The following CHERP variants were observed in gnomAD, a reference collection of about 807,000 sequenced individuals.
CHERP encodes calcium homeostasis endoplasmic reticulum protein, also known as ERPROT 213-21.
A neutral mutation model predicts 113.8 loss-of-function variants in CHERP; 8 were observed. The observed-to-expected ratio is 0.07, with a 90% CI of 0.04 to 0.13. The LOEUF is 0.13. Ranked by LOEUF, CHERP falls within the 10% of genes least tolerant of loss-of-function variation. The pLI, the probability that CHERP is intolerant of heterozygous loss-of-function variation, is 1.00. For synonymous variants in CHERP, 559 were observed against 524.5 expected (o/e 1.07, Z -0.90); for missense variants, 884 against 1,298.2 (o/e 0.68, Z 4.90).
At chr19:16,522,550 C>T (rs757012042) in intron 11 of CHERP, among the ~76,000 whole-genome samples, 3 of 152,282 alleles carry the variant, frequency 2.0e-5, no homozygotes, top group Non-Finnish European at 2.9e-5. Flanking sequence ...TGAGCCACTA[C>T]GCCTGGCCAG....
At chr19:16,521,682 A>G in intron 11 of CHERP, 28 bp from the exon 12 acceptor site, 1 of 1,534,276 alleles carries the variant, frequency 6.5e-7, no homozygotes, top group Non-Finnish European at 8.8e-7. Flanking sequence ...AGCTGTCACC[A>G]TGCCTGGGCA....
In CHERP at chr19:16,519,399, G is replaced by A. The variant is rs1056505207; in HGVS notation, c.2558-47C>T. ...CAACCACAACAAGGCGGAGGCAGAT[G>A]GGGGTGCACGTGGGGGGCTGAATGT... On this transcript the variant is annotated intron_variant, in intron 16 of 16. Coordinates refer to ENST00000546361, the MANE Select transcript of CHERP (RefSeq NM_006387.6). The surrounding 1 kb of genome is among the most constrained non-coding windows in gnomAD (Gnocchi z 6.0). The A allele has an allele frequency of 1.3e-6, 2 of 1,570,918 alleles. No individual in the cohort carries two copies. The highest frequency in any genetic ancestry group is 1.4e-5 in the African/African-American group (1 of 73,704).
At position 16,521,526 on chromosome 19, in the gene CHERP, C is replaced by T. The variant is rs1397496382; in HGVS notation, c.2109G>A (p.Arg703=). 6.3e-7 allele frequency: 1 copy of T among 1,593,790 alleles called. No individual in the cohort carries two copies. The highest frequency in any genetic ancestry group is 1.7e-5 in the Admixed American group (1 of 57,758). Residue 703 remains arginine (R), a synonymous_variant, in exon 12 of 17, where the codon AGG becomes AGA. Transcript: ENST00000546361. Reference sequence around the variant, plus strand: ...CACTGACCTGGGCCCCTTACCTGTTCCTGGGCCTGTCGTGGGACGGGGGGC... The same window carrying T: ...CACTGACCTGGGCCCCTTACCTGTTTCTGGGCCTGTCGTGGGACGGGGGGC... ...FYSPPSHDRP[R]NSEGWEQNGL... is the part of the protein sequence containing the mutation.
At position 16,520,470 on chromosome 19, in the gene CHERP, C is replaced by T; in HGVS notation, c.2239G>A (p.Gly747Arg). ...SRSRSRSKSR[G>R]RSSSRSNSRS... ...GAGTTGGAGCGGGAGGAAGAACGCC[C>T]TCGACTCTTGGATCTGCTCCGAGAC... is the stretch of plus-strand genomic sequence containing the variant. Residue 747 changes from glycine to arginine, a missense_variant, in exon 14 of 17, where the codon GGG becomes AGG. Gly to Arg is a moderately radical substitution (Grantham distance 125). This residue lies in a region of CHERP where 159 missense variants were observed against 185.8 expected (regional missense o/e 0.86). Transcript: ENST00000546361. The surrounding 1 kb of genome is among the most constrained non-coding windows in gnomAD (Gnocchi z 4.0). 4 of 1,614,062 alleles carry T rather than the reference C, an allele frequency of 2.5e-6. No homozygotes were observed.
At position 16,519,846 on chromosome 19, in the gene CHERP, G is replaced by C. The variant is rs1282365562; in HGVS notation, c.2463-131C>G. 1.1e-4 allele frequency: 91 copies of C among 841,100 alleles called. No homozygotes were observed. Among genetic ancestry groups the C allele is most frequent in the Non-Finnish European group, 1.5e-4 (76 of 498,546 alleles). 52.1% of individuals were successfully genotyped at this position (841,100 alleles called of 1,614,324 possible). The stretch of plus-strand genomic sequence containing the variant: ...CCAGGTGACACCGTATGCAGATTTT[G>C]CGTCTCTACCCGTTTATCCTGTCTC... On this transcript the variant is annotated intron_variant, in intron 15 of 16. Coordinates refer to ENST00000546361, the MANE Select transcript of CHERP (RefSeq NM_006387.6). This position sits in a 1 kb window ranked among gnomAD's most constrained non-coding sequence, Gnocchi z 6.0.
intron 2 of CHERP, chr19:16,539,742 G>T (rs75063955): frequency 1.3e-5 from 2 of 150,886 alleles, no homozygotes; most frequent in Non-Finnish European, 3.0e-5. Context: ...ATTTACAGGC[G>T]TGAGGCCACT....
chr19:16,521,402 G>A (rs1164751208), intron 12 of CHERP, 119 bp downstream of exon 12: 2 of 873,034 alleles, frequency 2.3e-6, no homozygotes, highest in Non-Finnish European at 3.4e-6. Flanking sequence ...CAGGCGGGGG[G>A]AGGGCAGTTT....
In CHERP at chr19:16,521,708, C is replaced by G. The variant is rs1264713305; in HGVS notation, c.1981-54G>C. The G allele has an allele frequency of 4.1e-6, 6 of 1,481,350 alleles. No individual in the cohort carries two copies. The East Asian group carries it at 1.5e-4, about 37-fold the overall frequency. The allele number at this position is 1,481,350 out of a possible 1,614,324, so 91.8% of individuals were successfully genotyped here. Reference sequence around the variant, plus strand: ...TGCCTGGGCAGAGCCCTCTCAGGCCCACCCAGGGTCTGCAAGGAGTGGGGT... The same window carrying G: ...TGCCTGGGCAGAGCCCTCTCAGGCCGACCCAGGGTCTGCAAGGAGTGGGGT... On this transcript the variant is annotated intron_variant, in intron 11 of 16. Coordinates refer to ENST00000546361, the MANE Select transcript of CHERP (RefSeq NM_006387.6).
Position 16,530,552 on chromosome 19 carries a change from T to G in CHERP, c.876+33A>C. On this transcript the variant is annotated intron_variant, in intron 7 of 16. Coordinates refer to ENST00000546361, the MANE Select transcript of CHERP (RefSeq NM_006387.6). The surrounding 1 kb of genome is among the most constrained non-coding windows in gnomAD (Gnocchi z 4.1). ...CCTCCTGGGGAACCCGCCCCAGCTC[T>G]AGGGTGAGGTGTGGGTGGGCAGGGA... The G allele has an allele frequency of 6.2e-7, 1 of 1,600,516 alleles. No individual in the cohort carries two copies. The highest frequency in any genetic ancestry group is 1.7e-4 in the Middle Eastern group (1 of 6,040).
rs1252561299 is a variant in CHERP at position 16,535,567 on chromosome 19, A to G, written c.269T>C (p.Leu90Pro). The G allele has an allele frequency of 5.1e-6, 8 of 1,568,178 alleles. No individual in the cohort carries two copies. The highest frequency in any genetic ancestry group is 1.2e-5 in the South Asian group (1 of 86,490). Residue 90 changes from leucine to proline, a missense_variant, in exon 3 of 17, where the codon CTG becomes CCG. Transcript: ENST00000546361. The surrounding 1 kb of genome is among the most constrained non-coding windows in gnomAD (Gnocchi z 4.3). ...CGGCGGGATGGGCGCGGCGGGGGCC[A>G]GCGGGGGCTGTGGCAGGGGTGGCAT... ...ATMPPLPQPP[L>P]APAAPIPPAQ... is the part of the protein sequence containing the mutation.
At position 16,520,315 on chromosome 19, in the gene CHERP, G is replaced by T. The variant is rs761214714; in HGVS notation, c.2345+49C>A. 1 of 1,611,372 alleles carries T rather than the reference G, an allele frequency of 6.2e-7. No homozygotes were observed. Among genetic ancestry groups the T allele is most frequent in the East Asian group, 2.2e-5 (1 of 44,858 alleles). ...CAGCAGCAGCCAGGCGTCGTGGGGA[G>T]GCCACAGGAAGAGGCCTCAGGCACT... On this transcript the variant is annotated intron_variant, in intron 14 of 16. Transcript: ENST00000546361. The surrounding 1 kb of genome is among the most constrained non-coding windows in gnomAD (Gnocchi z 4.0).
rs547209070 is a variant in CHERP at position 16,535,247 on chromosome 19, C to A, written c.384+205G>T. ...CACCCCAGGGTGATGGGTGCACGCACGTCCAGTGGCTTCACTGAGATGAGA... is the reference window on the plus strand; with the variant it reads ...CACCCCAGGGTGATGGGTGCACGCAAGTCCAGTGGCTTCACTGAGATGAGA... On this transcript the variant is annotated intron_variant, in intron 3 of 16. Transcript: ENST00000546361. This position sits in a 1 kb window ranked among gnomAD's most constrained non-coding sequence, Gnocchi z 4.3. 6.6e-5 allele frequency among the ~76,000 whole-genome samples: 10 copies of A among 152,344 alleles called. No individual in the cohort carries two copies. In the South Asian group the frequency reaches 8.3e-4, roughly 13 times the overall value.
chr19:16,530,557 T>G lies in CHERP; in HGVS notation c.876+28A>C. On this transcript the variant is annotated intron_variant, in intron 7 of 16. Transcript: ENST00000546361. The surrounding 1 kb of genome is among the most constrained non-coding windows in gnomAD (Gnocchi z 4.1). ...TGGGGAACCCGCCCCAGCTCTAGGGTGAGGTGTGGGTGGGCAGGGACACTC... is the reference window on the plus strand; with the variant it reads ...TGGGGAACCCGCCCCAGCTCTAGGGGGAGGTGTGGGTGGGCAGGGACACTC... 1.2e-6 allele frequency: 2 copies of G among 1,601,846 alleles called. No individual in the cohort carries two copies. The highest frequency in any genetic ancestry group is 1.7e-6 in the Non-Finnish European group (2 of 1,169,212).
At chr19:16,524,166 C>A (rs2085640643) in intron 10 of CHERP, among the ~76,000 whole-genome samples, 1 of 152,122 alleles carries the variant, frequency 6.6e-6, no homozygotes, top group African/African-American at 2.4e-5. Context: ...GGAAGAATCA[C>A]TTGAACCCAA....
Position 16,532,531 on chromosome 19 carries a change from G to A in CHERP, c.674+67C>T. The A allele has an allele frequency of 2.0e-6, 3 of 1,479,542 alleles. No individual in the cohort carries two copies. In the South Asian group the frequency reaches 3.9e-5, roughly 19 times the overall value. The allele number at this position is 1,479,542 out of a possible 1,614,324, so 91.7% of individuals were successfully genotyped here. A position where few individuals can be genotyped will look rare whatever the true frequency, so the allele number is the denominator to read the frequency against. On this transcript the variant is annotated intron_variant, in intron 5 of 16. Coordinates refer to ENST00000546361, the MANE Select transcript of CHERP (RefSeq NM_006387.6). The surrounding 1 kb of genome is among the most constrained non-coding windows in gnomAD (Gnocchi z 4.4). Reference sequence around the variant, plus strand: ...GCCAAGCTACCGACCGGAGCAAGCGGCCACCCAGGAGGGTTGAGGAGGAGC... The same window carrying A: ...GCCAAGCTACCGACCGGAGCAAGCGACCACCCAGGAGGGTTGAGGAGGAGC...
Position 16,535,679 on chromosome 19 carries a change from G to T in CHERP, c.200-43C>A. ...GGGGTGCCCCATGAGAATGCAGATG[G>T]GGGTCTAGGTGTCCCCTTGGCCACC... On this transcript the variant is annotated intron_variant, in intron 2 of 16. Coordinates refer to ENST00000546361, the MANE Select transcript of CHERP (RefSeq NM_006387.6). The surrounding 1 kb of genome is among the most constrained non-coding windows in gnomAD (Gnocchi z 4.3). The T allele has an allele frequency of 6.9e-7, 1 of 1,458,208 alleles. No homozygotes were observed. 90.3% of individuals were successfully genotyped at this position (1,458,208 alleles called of 1,614,324 possible).
At chr19:16,522,227 T>C (rs1438338501) in intron 11 of CHERP, among the ~76,000 whole-genome samples, 3 of 150,872 alleles carry the variant, frequency 2.0e-5, no homozygotes, top group Admixed American at 2.0e-4. Context: ...AGCATGCCCT[T>C]GGAGGCCCCA....
Position 16,529,657 on chromosome 19 carries a change from T to C in CHERP, c.1120A>G (p.Thr374Ala). ...TGAGGGAGCCCCGTACCAGGCTGGG[T>C]GGTGGGCGGGATGGCAGGGGCAGGT... Reference protein sequence around the residue: ...PAPAPAIPPTTQPDDSKPPIQ... With the variant: ...PAPAPAIPPTAQPDDSKPPIQ... Residue 374 changes from threonine (T) to alanine (A), a missense_variant, in exon 8 of 17, where the codon ACC becomes GCC. This residue lies in a region of CHERP where 464 missense variants were observed against 590.1 expected (regional missense o/e 0.79). Coordinates refer to ENST00000546361, the MANE Select transcript of CHERP (RefSeq NM_006387.6). 4 of 1,543,154 alleles carry C rather than the reference T, an allele frequency of 2.6e-6. No individual in the cohort carries two copies. Among genetic ancestry groups the C allele is most frequent in the Non-Finnish European group, 2.6e-6 (3 of 1,148,920 alleles).
In CHERP at chr19:16,519,482, T is replaced by A; in HGVS notation, c.2558-130A>T. On this transcript the variant is annotated intron_variant, in intron 16 of 16. Coordinates refer to ENST00000546361, the MANE Select transcript of CHERP (RefSeq NM_006387.6). This position sits in a 1 kb window ranked among gnomAD's most constrained non-coding sequence, Gnocchi z 6.0. ...AGAGAGAACCCGCAGGCCGGCCCTG[T>A]CTAGAGGGTCTGGGTGGAGTCAGAA... 3.2e-6 allele frequency: 4 copies of A among 1,254,774 alleles called. No individual in the cohort carries two copies. The highest frequency in any genetic ancestry group is 4.5e-6 in the Non-Finnish European group (4 of 879,696). The allele number at this position is 1,254,774 out of a possible 1,614,324, so 77.7% of individuals were successfully genotyped here. A position where few individuals can be genotyped will look rare whatever the true frequency, so the allele number is the denominator to read the frequency against.
Sources: gnomAD v4.1 joint callset for allele counts (sites outside exome capture counted in the v4.1 genomes callset) on GRCh38, gnomAD v4.1.1 for gene constraint, gnomAD v4.1.1 regional missense constraint, Gnocchi (gnomAD v3.1) non-coding constraint, MANE v1.5 for transcripts, NCBI Gene and HGNC (gene_info 2026-07-23, HGNC 2026-07-21) for gene names.